RAB11FIP2: variants seen among roughly 807,000 people sequenced by gnomAD.
The protein encoded by RAB11FIP2 is RAB11 family interacting protein 2.
In RAB11FIP2, 16 loss-of-function variants were observed where a neutral mutation model predicts 40.9. The ratio of observed to expected loss-of-function variants is 0.39; its 90% CI spans 0.26 to 0.59. RAB11FIP2 has a LOEUF of 0.59. Ranked by LOEUF, RAB11FIP2 falls within the 20% of genes least tolerant of loss-of-function variation. The pLI is 0.53. For synonymous variants in RAB11FIP2, 228 were observed against 213.7 expected (o/e 1.07, Z -0.58); for missense variants, 532 against 606.2 (o/e 0.88, Z 1.28).
intron 1 of RAB11FIP2, 79 bp downstream of exon 1, chr10:118,045,732 T>C (rs1391480281): frequency 1.5e-5 from 18 of 1,198,708 alleles, no homozygotes; most frequent in Non-Finnish European, 2.1e-5. Flanking sequence ...GCCCGAAGTA[T>C]ACGGATAATT....
chr10:118,036,147 C>T (rs1421913939), intron 3 of RAB11FIP2, among the ~76,000 whole-genome samples: 1 of 152,038 alleles, frequency 6.6e-6, no homozygotes, highest in Non-Finnish European at 1.5e-5. Context: ...TAATAATATA[C>T]ATTATTCAAC....
chr10:118,039,551 A>G (rs967083932), intron 2 of RAB11FIP2, 111 bp from the exon 3 acceptor site: 22 of 904,868 alleles, frequency 2.4e-5, no homozygotes, highest in Non-Finnish European at 3.1e-5. Context: ...TAGCCACTTA[A>G]ATGTATTAAC....
chr10:118,016,968 T>C (rs1846227417), intron 3 of RAB11FIP2, among the ~76,000 whole-genome samples: 1 of 152,248 alleles, frequency 6.6e-6, no homozygotes, highest in African/African-American at 2.4e-5. Flanking sequence ...AATTATTTCA[T>C]AAACTTTTAC....
At position 118,005,955 on chromosome 10, in the gene RAB11FIP2, A is replaced by G. The variant is rs1846086165; in HGVS notation, c.*3043T>C. 6.5e-6 allele frequency: 1 copy of G among 152,700 alleles called. No homozygotes were observed. Among genetic ancestry groups the G allele is most frequent in the East Asian group, 1.9e-4 (1 of 5,186 alleles). The allele number at this position is 152,700 out of a possible 1,614,324, so 9.5% of individuals were successfully genotyped here. On this transcript the variant is annotated 3_prime_UTR_variant, in exon 5 of 5. Transcript: ENST00000355624. ...AACATTTTCACAGCTGGAAAATTAC[A>G]ACTAAATCTTGATTTACCACCAAAA... is the stretch of plus-strand genomic sequence containing the variant.
chr10:118,043,374 C>T (rs576761626), intron 1 of RAB11FIP2: 27 of 151,880 alleles, frequency 1.8e-4, no homozygotes, highest in African/African-American at 5.8e-4. Context: ...GGATATTACA[C>T]AACAGCATCA....
intron 3 of RAB11FIP2, among the ~76,000 whole-genome samples, chr10:118,017,233 C>A (rs1846232309): frequency 1.3e-5 from 2 of 152,186 alleles, no homozygotes; most frequent in Admixed American, 6.5e-5. Context: ...TACAGATTTA[C>A]TTAGTGAGCA....
rs1383569828 is a variant in RAB11FIP2 at position 118,006,008 on chromosome 10, T to C, written c.*2990A>G. ...AATAGATGTAGTTATGTATAATCTA[T>C]AGATAATACTACATTCAGGGGACAA... On this transcript the variant is annotated 3_prime_UTR_variant, in exon 5 of 5. Coordinates refer to ENST00000355624, the MANE Select transcript of RAB11FIP2 (RefSeq NM_014904.3). 1 of 152,614 alleles carries C rather than the reference T, an allele frequency of 6.6e-6. No homozygotes were observed. The highest frequency in any genetic ancestry group is 1.5e-5 in the Non-Finnish European group (1 of 68,030). 9.5% of individuals were successfully genotyped at this position (152,614 alleles called of 1,614,324 possible). A position where few individuals can be genotyped will look rare whatever the true frequency, so the allele number is the denominator to read the frequency against.
At chr10:118,039,957 G>A in intron 2 of RAB11FIP2, 166 bp downstream of exon 2, 1 of 592,526 alleles carries the variant, frequency 1.7e-6, no homozygotes, top group Non-Finnish European at 2.9e-6. Flanking sequence ...TGCCTTCAAG[G>A]AACTTACCAA....
chr10:118,015,163 CAT>C (rs1846202958), intron 3 of RAB11FIP2, 53 bp from the exon 4 acceptor site: 1 of 1,473,730 alleles, frequency 6.8e-7, no homozygotes. Flanking sequence ...TGGGAGGAAA[CAT>C]AAAAATAGAA....
intron 3 of RAB11FIP2, among the ~76,000 whole-genome samples, chr10:118,028,816 A>AG (rs1846376325): frequency 2.0e-5 from 3 of 152,244 alleles, no homozygotes; most frequent in South Asian, 4.1e-4. Context: ...GTCAATGCTA[A>AG]GGTGAAAGAA....
Position 118,009,572 on chromosome 10 carries a change from G to C in RAB11FIP2, c.1312-347C>G, listed in dbSNP as rs536548468. Reference sequence around the variant, plus strand: ...AGATGAAAACTAAAGATTTCTAAAAGTTAACTCAGAGGAACTGTAAGAAGT... The same window carrying C: ...AGATGAAAACTAAAGATTTCTAAAACTTAACTCAGAGGAACTGTAAGAAGT... On this transcript the variant is annotated intron_variant, in intron 4 of 4. Coordinates refer to ENST00000355624, the MANE Select transcript of RAB11FIP2 (RefSeq NM_014904.3). 8.3e-4 allele frequency among the ~76,000 whole-genome samples: 127 copies of C among 152,184 alleles called. No homozygotes were observed. The South Asian group carries it at 0.012, about 14-fold the overall frequency.
At chr10:118,017,298 T>C (rs1564830915) in intron 3 of RAB11FIP2, among the ~76,000 whole-genome samples, 2 of 152,198 alleles carry the variant, frequency 1.3e-5, no homozygotes, top group Non-Finnish European at 2.9e-5. Context: ...AATCAGAGAA[T>C]AACAATGTTG....
chr10:118,006,339 CTTG>C lies in RAB11FIP2; in HGVS notation c.*2656_*2658del, dbSNP rs1349392266. The C allele has an allele frequency of 2.6e-5, 4 of 152,590 alleles. No individual in the cohort carries two copies. Among genetic ancestry groups the C allele is most frequent in the African/African-American group, 9.6e-5 (4 of 41,548 alleles). The allele number at this position is 152,590 out of a possible 1,614,324, so 9.5% of individuals were successfully genotyped here. ...CAATTCTGTGATTTTAAAAAATCCT[CTTG>C]TTGGTAGTAGTGTTTTGGGCATGCA... On this transcript the variant is annotated 3_prime_UTR_variant, in exon 5 of 5. Transcript: ENST00000355624.
At chr10:118,015,250 G>A in intron 3 of RAB11FIP2, 140 bp from the exon 4 acceptor site, 1 of 556,516 alleles carries the variant, frequency 1.8e-6, no homozygotes, top group Non-Finnish European at 2.9e-6. Flanking sequence ...AATCCAAGAA[G>A]TAGAAAAAAA....
At chr10:118,041,282 T>A (rs1015036216) in intron 1 of RAB11FIP2, among the ~76,000 whole-genome samples, 1 of 152,088 alleles carries the variant, frequency 6.6e-6, no homozygotes, top group African/African-American at 2.4e-5. Flanking sequence ...GCTTCTTGTT[T>A]GAATCTATTT....
Position 118,006,621 on chromosome 10 carries a change from CTTT to C in RAB11FIP2, c.*2374_*2376del, listed in dbSNP as rs1056353104. On this transcript the variant is annotated 3_prime_UTR_variant, in exon 5 of 5. Transcript: ENST00000355624. ...ATATTTACTTGGGAACTAATTTTTACTTTTTGTTTTTAGTTTTATTATTTTGAC... is the reference window on the plus strand; with the variant it reads ...ATATTTACTTGGGAACTAATTTTTACTTGTTTTTAGTTTTATTATTTTGAC... 1.3e-5 allele frequency: 2 copies of C among 151,956 alleles called. No individual in the cohort carries two copies. Among genetic ancestry groups the C allele is most frequent in the South Asian group, 2.1e-4 (1 of 4,822 alleles). 9.4% of individuals were successfully genotyped at this position (151,956 alleles called of 1,614,324 possible). A position where few individuals can be genotyped will look rare whatever the true frequency, so the allele number is the denominator to read the frequency against.
At chr10:118,032,031 T>C (rs958303151) in intron 3 of RAB11FIP2, among the ~76,000 whole-genome samples, 11 of 151,112 alleles carry the variant, frequency 7.3e-5, no homozygotes, top group African/African-American at 2.4e-4. Flanking sequence ...TAGGCTTATA[T>C]TGATTTTTTT....
rs146793744 is a variant in RAB11FIP2, at chr10:118,040,370, C to G, written c.549G>C (p.Thr183=). The G allele has an allele frequency of 1.2e-5, 19 of 1,613,622 alleles. No individual in the cohort carries two copies. In the South Asian group the frequency reaches 1.9e-4, roughly 16 times the overall value. Residue 183 remains threonine, a synonymous_variant, in exon 2 of 5, where the codon ACG becomes ACC. Coordinates refer to ENST00000355624, the MANE Select transcript of RAB11FIP2 (RefSeq NM_014904.3). Reference sequence around the variant, plus strand: ...GAGTACTTGGAATGATTGCAGAAGACGTATCAGAAAATGTTCCATCATTTT... The same window carrying G: ...GAGTACTTGGAATGATTGCAGAAGAGGTATCAGAAAATGTTCCATCATTTT... ...GRKNDGTFSD[T]SSAIIPSTHM...
rs55723398 is a variant in RAB11FIP2 at position 118,024,470 on chromosome 10, C to CGTGTGTGTGTGTGTGTGT, written c.1266-9378_1266-9361dup. 1.0e-3 allele frequency among the ~76,000 whole-genome samples: 137 copies of CGTGTGTGTGTGTGTGTGT among 131,808 alleles called. 2 individuals carry two copies. Among genetic ancestry groups the CGTGTGTGTGTGTGTGTGT allele is most frequent in the Middle Eastern group, 3.8e-3 (1 of 260 alleles). The allele number at this position is 131,808 out of a possible 152,430, so 86.5% of individuals were successfully genotyped here. A position where few individuals can be genotyped will look rare whatever the true frequency, so the allele number is the denominator to read the frequency against. On this transcript the variant is annotated intron_variant, in intron 3 of 4. Transcript: ENST00000355624. ...CTACGTATCCATTAGTCATCATCAT[C>CGTGTGTGTGTGTGTGTGT]GTGTGTGTGTGTGTGTGTGTGTGTG...
Sources: gnomAD v4.1 joint callset for allele counts (sites outside exome capture counted in the v4.1 genomes callset) on GRCh38, gnomAD v4.1.1 for gene constraint, MANE v1.5 for transcripts, NCBI Gene and HGNC (gene_info 2026-07-23, HGNC 2026-07-21) for gene names.